PANK2: variants seen among roughly 807,000 people sequenced by gnomAD.
PANK2 encodes the protein pantothenate kinase 2, mitochondrial.
A neutral mutation model predicts 43.1 loss-of-function variants in PANK2; 36 were observed. The observed-to-expected ratio is 0.84, with a 90% confidence interval of 0.64 to 1.10. The LOEUF (loss-of-function observed/expected upper bound fraction) is 1.10. PANK2 is among the 50% of genes least tolerant of loss of function. The probability of loss-of-function intolerance (pLI) is 0.00; values close to 1 mark genes in which losing one functional copy is unlikely to be tolerated. For missense variants in PANK2, 576 were observed against 593.3 expected (o/e 0.97, Z 0.30); for synonymous variants, 281 against 238.2 (o/e 1.18, Z -1.66).
rs1568572832 is a variant in PANK2 at position 3,910,663 on chromosome 20, A to G, written c.738A>G (p.Gly246=). 1 of 1,614,084 alleles carries G rather than the reference A, an allele frequency of 6.2e-7. No individual in the cohort carries two copies. The highest frequency in any genetic ancestry group is 8.5e-7 in the Non-Finnish European group (1 of 1,180,046). Residue 246 remains glycine (G), a synonymous_variant, in exon 3 of 7, where the codon GGA becomes GGG. Transcript: ENST00000610179. ...ACATTGACTCAGTCGGATTCAATGG[A>G]CGGTCACAGTGCTATTACTTTGAAA...
upstream of PANK2, chr20:3,889,017 G>C: frequency 8.9e-7 from 1 of 1,129,814 alleles, no homozygotes; most frequent in Non-Finnish European, 1.2e-6. Flanking sequence ...GAGCAGCGGG[G>C]TGGGACTCGG....
chr20:3,897,755 C>G (rs1317584305), intron 1 of PANK2, among the ~76,000 whole-genome samples: 1 of 152,028 alleles, frequency 6.6e-6, no homozygotes, highest in African/African-American at 2.4e-5. Context: ...GCCTATAATC[C>G]TAGCACTTTG....
upstream of PANK2, chr20:3,889,234 A>G (rs1239524821): frequency 1.2e-6 from 2 of 1,613,204 alleles, no homozygotes; most frequent in Non-Finnish European, 1.7e-6. Context: ...CCGCCCCGTC[A>G]CGATAGCCTC....
intron 1 of PANK2, among the ~76,000 whole-genome samples, chr20:3,902,163 CTTTT>C (rs542705456): frequency 7.2e-6 from 1 of 138,248 alleles, no homozygotes. Flanking sequence ...CTCCCTCTCT[CTTTT>C]TTTTTTTTTT....
At position 3,902,163 on chromosome 20, in the gene PANK2, C is replaced by A. The variant is rs908839019; in HGVS notation, c.299-5763C>A. Among the ~76,000 whole-genome samples, 24 of 138,252 alleles carry A rather than the reference C, an allele frequency of 1.7e-4. No individual in the cohort carries two copies. In the East Asian group the frequency reaches 5.1e-3, roughly 29 times the overall value. 90.7% of individuals were successfully genotyped at this position (138,252 alleles called of 152,430 possible). A position where few individuals can be genotyped will look rare whatever the true frequency, so the allele number is the denominator to read the frequency against. ...CTGGTTCTATATTCTCTCCCTCTCT[C>A]TTTTTTTTTTTTTTTTAGTTAGAGA... On this transcript the variant is annotated intron_variant, in intron 1 of 6. Transcript: ENST00000610179.
Position 3,908,193 on chromosome 20 carries a change from G to A in PANK2, c.566G>A (p.Gly189Asp), listed in dbSNP as rs975841680. 1 of 1,613,992 alleles carries A rather than the reference G, an allele frequency of 6.2e-7. No homozygotes were observed. The highest frequency in any genetic ancestry group is 8.5e-7 in the Non-Finnish European group (1 of 1,180,004). Residue 189 changes from glycine to aspartate, a missense_variant, in exon 2 of 7, where the codon GGC (glycine) becomes GAC (aspartate). Physicochemically the swap from Gly to Asp is moderately conservative, Grantham distance 94. Coordinates refer to ENST00000610179, the MANE Select transcript of PANK2 (RefSeq NM_001386393.1). ...GACATGCCTGCTTTTATTCAAATGG[G>A]CAGAGATAAAAACTTCTCGAGTCTC...
intron 4 of PANK2, among the ~76,000 whole-genome samples, chr20:3,915,485 A>G (rs556154198): frequency 1.5e-4 from 23 of 152,174 alleles, no homozygotes; most frequent in Admixed American, 1.4e-3. Context: ...TTTAGTAGAG[A>G]CAGGGTTTCA....
At chr20:3,908,329 A>G (rs770052760) in intron 2 of PANK2, 51 bp downstream of exon 2, 1 of 1,435,548 alleles carries the variant, frequency 7.0e-7, no homozygotes, top group South Asian at 1.2e-5. Flanking sequence ...ATTGTTAAAA[A>G]TAATGCCAGT....
intron 1 of PANK2, among the ~76,000 whole-genome samples, chr20:3,904,132 ATATAG>A (rs2090349133): frequency 6.6e-6 from 1 of 151,982 alleles, no homozygotes; most frequent in Non-Finnish European, 1.5e-5. Flanking sequence ...AAATGGAATA[ATATAG>A]TATGTAGCCT....
intron 1 of PANK2, among the ~76,000 whole-genome samples, chr20:3,901,053 A>G (rs1265104090): frequency 6.6e-6 from 1 of 151,394 alleles, no homozygotes; most frequent in Non-Finnish European, 1.5e-5. Context: ...TACAGGCTTT[A>G]TTATTTATTT....
chr20:3,893,969 T>G (rs2090165023), intron 1 of PANK2, among the ~76,000 whole-genome samples: 1 of 147,250 alleles, frequency 6.8e-6, no homozygotes. Context: ...TTCACTCTTG[T>G]TGCCCAGGCC....
At position 3,910,456 on chromosome 20, in the gene PANK2, T is replaced by A. The variant is rs2090451159; in HGVS notation, c.652-121T>A. The A allele has an allele frequency of 2.6e-6, 3 of 1,134,288 alleles. No homozygotes were observed. In the South Asian group the frequency reaches 3.8e-5, roughly 14 times the overall value. 70.3% of individuals were successfully genotyped at this position (1,134,288 alleles called of 1,614,324 possible). A position where few individuals can be genotyped will look rare whatever the true frequency, so the allele number is the denominator to read the frequency against. On this transcript the variant is annotated intron_variant, in intron 2 of 6. Transcript: ENST00000610179. ...ATCTGTTCTGTAAAGCATGCACAAA[T>A]AATACACATCTGTGAGTGCACTTTC...
chr20:3,898,575 A>G (rs570487725), intron 1 of PANK2, among the ~76,000 whole-genome samples: 7 of 152,186 alleles, frequency 4.6e-5, no homozygotes, highest in East Asian at 1.9e-4. Context: ...GGTATATCCT[A>G]TTGGTTTCTA....
chr20:3,900,225 G>C (rs988666933), intron 1 of PANK2, among the ~76,000 whole-genome samples: 2 of 151,858 alleles, frequency 1.3e-5, no homozygotes, highest in African/African-American at 4.8e-5. Flanking sequence ...ATTCTACCCA[G>C]TGTTTCCGTC....
At chr20:3,918,566 C>T in intron 5 of PANK2, 105 bp from the exon 6 acceptor site, 1 of 1,503,910 alleles carries the variant, frequency 6.6e-7, no homozygotes, top group South Asian at 1.1e-5. Context: ...GATCAGCAGT[C>T]AAATTGTTGC....
At chr20:3,889,963 GCTTTTCC>G (rs2090092427) in intron 1 of PANK2, 4 of 1,512,324 alleles carry the variant, frequency 2.6e-6, no homozygotes, top group Non-Finnish European at 3.5e-6. Flanking sequence ...GGAGTGGAGG[GCTTTTCC>G]CCAGGACCTG....
chr20:3,922,615 C>T (rs932657483), intron 6 of PANK2, among the ~76,000 whole-genome samples: 3 of 152,100 alleles, frequency 2.0e-5, no homozygotes, highest in African/African-American at 7.2e-5. Context: ...CTGCTGTGGG[C>T]ACCTCAGCTT....
At chr20:3,914,148 T>C (rs1481617944) in intron 4 of PANK2, among the ~76,000 whole-genome samples, 2 of 152,008 alleles carry the variant, frequency 1.3e-5, no homozygotes, top group Non-Finnish European at 2.9e-5. Flanking sequence ...CTGAGTCATA[T>C]GGTCACTTAA....
intron 1 of PANK2, among the ~76,000 whole-genome samples, chr20:3,893,924 G>GTTTTT (rs1046729224): frequency 6.4e-5 from 8 of 124,922 alleles, no homozygotes; most frequent in African/African-American, 2.3e-4. Flanking sequence ...TTTTTTGTTT[G>GTTTTT]TTTTTTGTTT....
Sources: gnomAD v4.1 joint callset for allele counts (sites outside exome capture counted in the v4.1 genomes callset) on GRCh38, gnomAD v4.1.1 for gene constraint, MANE v1.5 for transcripts, NCBI Gene and HGNC (gene_info 2026-07-23, HGNC 2026-07-21) for gene names.